Variants in ACIN1 observed in about 807,000 individuals in gnomAD.
ACIN1 encodes the protein apoptotic chromatin condensation inducer 1.
Under a neutral mutation model 146.6 loss-of-function variants are expected in ACIN1, and 16 were observed. That is an observed-to-expected ratio of 0.11 (90% CI 0.07 to 0.17). ACIN1 has a LOEUF of 0.17. ACIN1 is among the 10% of genes least tolerant of loss of function. The pLI is 1.00. For missense variants in ACIN1, 1,357 were observed against 1,609.3 expected (o/e 0.84, Z 2.68); for synonymous variants, 569 against 582.7 (o/e 0.98, Z 0.34).
intron 12 of ACIN1, among the ~76,000 whole-genome samples, 198 bp downstream of exon 12, chr14:23,063,907 G>A (rs911964090): frequency 6.6e-6 from 1 of 152,182 alleles, no homozygotes; most frequent in African/African-American, 2.4e-5. Context: ...GAACTCGTGT[G>A]GTTGTGTTCC....
rs979607320 is a variant in ACIN1 at position 23,068,527 on chromosome 14, C to T, written c.2265+949G>A. On this transcript the variant is annotated intron_variant, in intron 9 of 18. Coordinates refer to ENST00000605057, the MANE Select transcript of ACIN1 (RefSeq NM_001386863.1). The surrounding 1 kb of genome is among the most constrained non-coding windows in gnomAD (Gnocchi z 4.3). Reference sequence around the variant, plus strand: ...TCACAGGAGCCCATATACATGCCCCCCTCTGGCCAAGACACCTGGATAGCA... The same window carrying T: ...TCACAGGAGCCCATATACATGCCCCTCTCTGGCCAAGACACCTGGATAGCA... 4.7e-5 allele frequency: 46 copies of T among 985,810 alleles called. No homozygotes were observed. Among genetic ancestry groups the T allele is most frequent in the Middle Eastern group, 5.2e-4 (1 of 1,936 alleles). The allele number at this position is 985,810 out of a possible 1,614,324, so 61.1% of individuals were successfully genotyped here. A position where few individuals can be genotyped will look rare whatever the true frequency, so the allele number is the denominator to read the frequency against.
rs577879387 is a variant in ACIN1 at position 23,087,072 on chromosome 14, G to A, written c.436+2910C>T. ...AGGTGCCAGTAGCGTTTAGAAAAAT[G>A]TTAGTAGGAAACTTAATCAAAAATT... On this transcript the variant is annotated intron_variant, in intron 4 of 18. Coordinates refer to ENST00000605057, the MANE Select transcript of ACIN1 (RefSeq NM_001386863.1). Among the ~76,000 whole-genome samples, 9 of 152,296 alleles carry A rather than the reference G, an allele frequency of 5.9e-5. No individual in the cohort carries two copies. The South Asian group carries it at 6.2e-4, about 11-fold the overall frequency.
intron 4 of ACIN1, among the ~76,000 whole-genome samples, chr14:23,082,826 G>A (rs563472065): frequency 1.3e-5 from 2 of 150,844 alleles, no homozygotes; most frequent in African/African-American, 4.9e-5. Context: ...CACAACCTCC[G>A]CCTCCCAGGT....
chr14:23,060,482 A>G (rs1419105648), intron 18 of ACIN1, among the ~76,000 whole-genome samples: 1 of 151,904 alleles, frequency 6.6e-6, no homozygotes, highest in East Asian at 1.9e-4. Context: ...ATAAAACACG[A>G]TTTCTCAGCT....
intron 10 of ACIN1, among the ~76,000 whole-genome samples, chr14:23,065,581 C>T (rs2047427780): frequency 6.6e-6 from 1 of 152,184 alleles, no homozygotes; most frequent in African/African-American, 2.4e-5. Context: ...CAGAGGGAGA[C>T]TCCGTCTCAA....
intron 8 of ACIN1, among the ~76,000 whole-genome samples, chr14:23,069,926 A>G (rs891451264): frequency 6.6e-6 from 1 of 152,162 alleles, no homozygotes; most frequent in African/African-American, 2.4e-5. Context: ...GAGTACTCCT[A>G]TATGAAAGGA....
intron 4 of ACIN1, among the ~76,000 whole-genome samples, chr14:23,083,965 TGA>T (rs947447167): frequency 6.6e-6 from 1 of 151,776 alleles, no homozygotes; most frequent in African/African-American, 2.4e-5. Flanking sequence ...TTTTTTTTTC[TGA>T]GAGAGAGTCT....
chr14:23,080,841 G>C, intron 5 of ACIN1, 32 bp from the exon 6 acceptor site: 5 of 1,557,192 alleles, frequency 3.2e-6, no homozygotes, highest in Non-Finnish European at 4.3e-6. Flanking sequence ...GGCTCCAAAT[G>C]TATTTGCTCA....
chr14:23,083,065 GA>G (rs1432164165), intron 4 of ACIN1, among the ~76,000 whole-genome samples: 4 of 148,798 alleles, frequency 2.7e-5, no homozygotes, highest in African/African-American at 7.4e-5. Context: ...TTTTTTTAAG[GA>G]AAAAAAAAGT....
chr14:23,095,318 CA>C (rs1566763794), upstream of ACIN1: 1 of 1,566,438 alleles, frequency 6.4e-7, no homozygotes. Flanking sequence ...ATCCGCCCTG[CA>C]GCGCCCCTTT....
chr14:23,081,657 T>C (rs913045089), intron 5 of ACIN1, 91 bp downstream of exon 5: 6 of 1,136,236 alleles, frequency 5.3e-6, no homozygotes, highest in Non-Finnish European at 7.6e-6. Flanking sequence ...CCCCTAAATG[T>C]AGAGACATAC....
Position 23,068,981 on chromosome 14 carries a change from G to A in ACIN1, c.2265+495C>T, listed in dbSNP as rs2047542696. The A allele has an allele frequency of 2.1e-6, 2 of 973,988 alleles. No individual in the cohort carries two copies. The highest frequency in any genetic ancestry group is 2.1e-5 in the African/African-American group (1 of 46,598). 60.3% of individuals were successfully genotyped at this position (973,988 alleles called of 1,614,324 possible). On this transcript the variant is annotated intron_variant, in intron 9 of 18. Transcript: ENST00000605057. This position sits in a 1 kb window ranked among gnomAD's most constrained non-coding sequence, Gnocchi z 4.3. ...TGAGAATGGGCCTTCCGGATCACAA[G>A]TGCTGGCTTCTAAGTAGCTACATCT...
In ACIN1 at chr14:23,079,512, G is replaced by A. The variant is rs1038691927; in HGVS notation, c.1788+35C>T. The A allele has an allele frequency of 6.9e-6, 11 of 1,602,758 alleles. No individual in the cohort carries two copies. In the African/African-American group the frequency reaches 1.2e-4, roughly 18 times the overall value. On this transcript the variant is annotated intron_variant, in intron 6 of 18. Coordinates refer to ENST00000605057, the MANE Select transcript of ACIN1 (RefSeq NM_001386863.1). Reference sequence around the variant, plus strand: ...AAATGAAAACCACTGGAATATGACAGAACATTAATACACCCGGGATTCTCT... The same window carrying A: ...AAATGAAAACCACTGGAATATGACAAAACATTAATACACCCGGGATTCTCT...
In ACIN1 at chr14:23,078,822, G is replaced by A. The variant is rs779416155; in HGVS notation, c.2005C>T (p.Arg669Trp). ...KHVTQRLQPERGSPKKCEAEE... is the reference protein window; with the variant it reads ...KHVTQRLQPEWGSPKKCEAEE... ...AGGGAGGGGTCACAATAGCCTACCC[G>A]CTCAGGCTGTAACCTCTGGGTCACA... Residue 669 changes from arginine to tryptophan, a missense_variant and splice_region_variant, in exon 7 of 19, where the codon CGG (arginine) becomes TGG (tryptophan). Around this residue, in one of 4 missense-constraint regions of ACIN1, gnomAD observed 771 missense variants for 746.6 expected, o/e 1.03. Coordinates refer to ENST00000605057, the MANE Select transcript of ACIN1 (RefSeq NM_001386863.1). 3.4e-5 allele frequency: 54 copies of A among 1,611,898 alleles called. No homozygotes were observed. Among genetic ancestry groups the A allele is most frequent in the Non-Finnish European group, 3.9e-5 (46 of 1,179,726 alleles).
chr14:23,095,261 G>A (rs769850217), upstream of ACIN1: 5 of 1,601,732 alleles, frequency 3.1e-6, no homozygotes, highest in East Asian at 4.5e-5. Context: ...TCCTCCGGAT[G>A]TCCTCGGATG....
intron 1 of ACIN1, 163 bp downstream of exon 1, chr14:23,094,812 C>T (rs2048331639): frequency 5.5e-6 from 6 of 1,096,046 alleles, no homozygotes; most frequent in Non-Finnish European, 7.6e-6. Flanking sequence ...GATCTCCATT[C>T]CAGCGCGAAC....
intron 13 of ACIN1, 100 bp downstream of exon 13, chr14:23,063,336 A>T: frequency 6.9e-7 from 1 of 1,440,470 alleles, no homozygotes; most frequent in East Asian, 2.4e-5. Flanking sequence ...GAAAAAATAT[A>T]ATGAAAGGCA....
At chr14:23,065,069 T>G (rs767367079) in intron 10 of ACIN1, among the ~76,000 whole-genome samples, 1 of 152,134 alleles carries the variant, frequency 6.6e-6, no homozygotes, top group Non-Finnish European at 1.5e-5. Flanking sequence ...GAAGGACATG[T>G]AAATGCAGAA....
intron 13 of ACIN1, 66 bp from the exon 14 acceptor site, chr14:23,063,140 T>C (rs2047340646): frequency 1.3e-6 from 2 of 1,487,830 alleles, no homozygotes; most frequent in Non-Finnish European, 1.8e-6. Context: ...ACCCTCAATG[T>C]AACTCTCACG....
Sources: gnomAD v4.1 joint callset for allele counts (sites outside exome capture counted in the v4.1 genomes callset) on GRCh38, gnomAD v4.1.1 for gene constraint, gnomAD v4.1.1 regional missense constraint, Gnocchi (gnomAD v3.1) non-coding constraint, MANE v1.5 for transcripts, NCBI Gene and HGNC (gene_info 2026-07-23, HGNC 2026-07-21) for gene names.